Variants in CTNNA3 observed in about 807,000 individuals in gnomAD.
CTNNA3 encodes the protein catenin alpha-3.
A neutral mutation model predicts 95.7 loss-of-function variants in CTNNA3; 76 were observed. The ratio of observed to expected loss-of-function variants is 0.79; its 90% confidence interval spans 0.66 to 0.96. The LOEUF (loss-of-function observed/expected upper bound fraction) is 0.96, where lower values mean the gene tolerates loss of function less well. Among genes scored for constraint, CTNNA3 ranks in the 40% least tolerant of loss-of-function variants. CTNNA3 has a pLI of 0.00. For missense variants in CTNNA3, 1,191 were observed against 1,089.8 expected (o/e 1.09, Z -1.31); for synonymous variants, 431 against 374.4 (o/e 1.15, Z -1.74).
At chr10:66,408,195 T>C (rs942132777) in intron 11 of CTNNA3, among the ~76,000 whole-genome samples, 2 of 152,196 alleles carry the variant, frequency 1.3e-5, no homozygotes, top group Non-Finnish European at 2.9e-5. Context: ...TGAAAATTTG[T>C]AAAATTTTTA....
At chr10:66,586,726 C>T (rs1012050494) in intron 10 of CTNNA3, among the ~76,000 whole-genome samples, 3 of 152,070 alleles carry the variant, frequency 2.0e-5, no homozygotes, top group African/African-American at 4.8e-5. Flanking sequence ...CTTTCATGAG[C>T]GCTGTTTGAC....
chr10:66,665,725 T>C (rs1846427965), intron 9 of CTNNA3, among the ~76,000 whole-genome samples: 1 of 152,232 alleles, frequency 6.6e-6, no homozygotes, highest in African/African-American at 2.4e-5. Context: ...TGTGGAGAGA[T>C]GACAGTGTCA....
chr10:67,186,161 T>G (rs577650109), intron 6 of CTNNA3, among the ~76,000 whole-genome samples: 2 of 152,320 alleles, frequency 1.3e-5, no homozygotes, highest in Admixed American at 1.3e-4. Flanking sequence ...GAAGATGTGA[T>G]AGAAACAGTG....
intron 7 of CTNNA3, among the ~76,000 whole-genome samples, chr10:67,013,257 C>T (rs889283518): frequency 4.6e-5 from 7 of 151,584 alleles, no homozygotes; most frequent in Middle Eastern, 6.8e-3. Context: ...TGCCTCTCTT[C>T]ATTTAATAAA....
chr10:67,518,990 C>T (rs1839903297), intron 5 of CTNNA3, among the ~76,000 whole-genome samples: 1 of 152,130 alleles, frequency 6.6e-6, no homozygotes, highest in East Asian at 1.9e-4. Context: ...CACCACCTCA[C>T]CTATCACAGC....
rs1381711394 is a variant in CTNNA3 at position 65,916,757 on chromosome 10, G to A, written c.*3573C>T. On this transcript the variant is annotated 3_prime_UTR_variant, in exon 18 of 18. Transcript: ENST00000433211. ...ATTAATTGGAGTAATTTGCTGTGAT[G>A]GGCAGTCCTGATTGCACTATTTTGG... is the stretch of plus-strand genomic sequence containing the variant. The A allele has an allele frequency of 3.3e-5, 5 of 152,104 alleles. No homozygotes were observed. The highest frequency in any genetic ancestry group is 4.8e-5 in the African/African-American group (2 of 41,418). 9.4% of individuals were successfully genotyped at this position (152,104 alleles called of 1,614,324 possible).
intron 9 of CTNNA3, among the ~76,000 whole-genome samples, chr10:66,743,974 C>CAA (rs536825430): frequency 0.04 from 1,761 of 44,154 alleles, 88 homozygotes; most frequent in African/African-American, 0.062. Flanking sequence ...GATTCCATCT[C>CAA]AAAAAAAAAA....
At chr10:66,103,629 G>A (rs2081744914) in intron 13 of CTNNA3, among the ~76,000 whole-genome samples, 1 of 152,128 alleles carries the variant, frequency 6.6e-6, no homozygotes, top group South Asian at 2.1e-4. Flanking sequence ...GCCACAAAAG[G>A]CCACATATTG....
At chr10:67,209,118 G>C (rs2132234833) in intron 6 of CTNNA3, among the ~76,000 whole-genome samples, 1 of 152,160 alleles carries the variant, frequency 6.6e-6, no homozygotes, top group Admixed American at 6.6e-5. Context: ...GCACGATTTT[G>C]GCTCACTGCA....
intron 4 of CTNNA3, among the ~76,000 whole-genome samples, chr10:67,526,532 T>G (rs540827027): frequency 6.6e-6 from 1 of 152,328 alleles, no homozygotes; most frequent in East Asian, 1.9e-4. Context: ...CAAGTCATTA[T>G]TATTCCAATT....
chr10:66,342,794 T>C (rs1404445189), intron 12 of CTNNA3, among the ~76,000 whole-genome samples: 1 of 152,128 alleles, frequency 6.6e-6, no homozygotes, highest in Non-Finnish European at 1.5e-5. Flanking sequence ...TTCTTCAATA[T>C]TCTGAATTTA....
At chr10:66,239,401 A>G (rs1489758202) in intron 13 of CTNNA3, among the ~76,000 whole-genome samples, 1 of 151,924 alleles carries the variant, frequency 6.6e-6, no homozygotes, top group Admixed American at 6.6e-5. Flanking sequence ...AGTCTGGGGT[A>G]TATTACCCTT....
At chr10:66,280,754 A>G in intron 12 of CTNNA3, 133 bp from the exon 13 acceptor site, 1 of 592,018 alleles carries the variant, frequency 1.7e-6, no homozygotes, top group East Asian at 3.3e-5. Flanking sequence ...TTTTTTAAAT[A>G]TAGAGATACA....
intron 3 of CTNNA3, among the ~76,000 whole-genome samples, chr10:67,576,373 AT>A (rs1442592231): frequency 6.6e-6 from 1 of 152,102 alleles, no homozygotes; most frequent in African/African-American, 2.4e-5. Flanking sequence ...AAATGGCCAC[AT>A]ACAAATATAA....
intron 9 of CTNNA3, among the ~76,000 whole-genome samples, chr10:66,636,317 C>T (rs910234255): frequency 2.0e-5 from 3 of 152,022 alleles, no homozygotes; most frequent in Non-Finnish European, 4.4e-5. Flanking sequence ...TTAACTACCC[C>T]TGTACCTCTA....
At chr10:65,991,253 T>G (rs1264531615) in intron 15 of CTNNA3, among the ~76,000 whole-genome samples, 1 of 152,122 alleles carries the variant, frequency 6.6e-6, no homozygotes, top group African/African-American at 2.4e-5. Context: ...CTTTTGTGGT[T>G]CTATTAATAT....
chr10:67,692,013 A>G (rs1387584765), intron 1 of CTNNA3, among the ~76,000 whole-genome samples: 1 of 129,726 alleles, frequency 7.7e-6, no homozygotes, highest in East Asian at 2.7e-4. Context: ...GGCCGCCCCT[A>G]CTGGGAAGTG....
intron 5 of CTNNA3, among the ~76,000 whole-genome samples, chr10:67,499,198 G>A (rs917198561): frequency 6.6e-6 from 1 of 151,994 alleles, no homozygotes; most frequent in Admixed American, 6.6e-5. Context: ...ATATTCATGG[G>A]TTTTGTCGTT....
At chr10:66,427,438 C>A (rs2093252310) in intron 11 of CTNNA3, among the ~76,000 whole-genome samples, 1 of 151,958 alleles carries the variant, frequency 6.6e-6, no homozygotes, top group African/African-American at 2.4e-5. Context: ...GTCTTAACAT[C>A]TATAGGGTCA....
Sources: gnomAD v4.1 joint callset for allele counts (sites outside exome capture counted in the v4.1 genomes callset) on GRCh38, gnomAD v4.1.1 for gene constraint, MANE v1.5 for transcripts, NCBI Gene and HGNC (gene_info 2026-07-23, HGNC 2026-07-21) for gene names.